Variants in SNTB1 observed in about 807,000 individuals in gnomAD.
SNTB1 encodes the protein syntrophin beta 1.
In SNTB1, 36 loss-of-function variants were observed where a neutral mutation model predicts 48.9. The ratio of observed to expected loss-of-function variants is 0.74; its 90% CI spans 0.56 to 0.97. SNTB1 has a LOEUF of 0.97. Ranked by LOEUF, SNTB1 falls within the 50% of genes least tolerant of loss-of-function variation. The pLI is 0.00. For missense variants in SNTB1, 786 were observed against 703.4 expected (o/e 1.12, Z -1.33); for synonymous variants, 299 against 294.6 (o/e 1.01, Z -0.15).
chr8:120,691,912 G>C (rs1382231720), intron 2 of SNTB1, among the ~76,000 whole-genome samples: 2 of 152,152 alleles, frequency 1.3e-5, no homozygotes, highest in East Asian at 1.9e-4. Flanking sequence ...GGACTTGTTT[G>C]ATTGGGTGGG....
At chr8:120,591,596 C>T (rs1398484029) in intron 3 of SNTB1, among the ~76,000 whole-genome samples, 1 of 152,210 alleles carries the variant, frequency 6.6e-6, no homozygotes, top group Non-Finnish European at 1.5e-5. Context: ...AGTAGATGTA[C>T]TGCAGCTGGT....
intron 1 of SNTB1, among the ~76,000 whole-genome samples, chr8:120,735,757 T>G (rs186708251): frequency 1.9e-4 from 29 of 152,154 alleles, no homozygotes; most frequent in Non-Finnish European, 4.0e-4. Context: ...TATTTTGTTT[T>G]GGTAGCCTTG....
chr8:120,692,760 T>G (rs1431384286), intron 2 of SNTB1, among the ~76,000 whole-genome samples: 1 of 152,166 alleles, frequency 6.6e-6, no homozygotes, highest in Non-Finnish European at 1.5e-5. Flanking sequence ...ACCCTCCAAG[T>G]ATACAGTTGA....
At position 120,740,247 on chromosome 8, in the gene SNTB1, A is replaced by C. The variant is rs568093596; in HGVS notation, c.572-46339T>G. ...AGCCATGAAGCTGTCACAGTCAAGA[A>C]CTTGGCACATGTTATATTTTATATA... On this transcript the variant is annotated intron_variant, in intron 1 of 6. Transcript: ENST00000517992. 2.9e-4 allele frequency among the ~76,000 whole-genome samples: 44 copies of C among 152,248 alleles called. No homozygotes were observed. In the South Asian group the frequency reaches 8.7e-3, roughly 30 times the overall value.
intron 4 of SNTB1, among the ~76,000 whole-genome samples, chr8:120,553,657 G>T (rs1375534975): frequency 6.6e-6 from 1 of 152,136 alleles, no homozygotes; most frequent in African/African-American, 2.4e-5. Context: ...AAAATGTAGA[G>T]CAATTTTATG....
chr8:120,678,302 G>T (rs1817872350), intron 2 of SNTB1, among the ~76,000 whole-genome samples: 1 of 152,046 alleles, frequency 6.6e-6, no homozygotes, highest in African/African-American at 2.4e-5. Flanking sequence ...AAACCAGCTT[G>T]GCATTGTGAC....
At chr8:120,721,341 A>G (rs1361785260) in intron 1 of SNTB1, among the ~76,000 whole-genome samples, 3 of 152,204 alleles carry the variant, frequency 2.0e-5, no homozygotes, top group Non-Finnish European at 4.4e-5. Context: ...ATTTTTGTGC[A>G]GACTTGAAAT....
chr8:120,624,353 A>G (rs1024880713), intron 3 of SNTB1, among the ~76,000 whole-genome samples: 1 of 152,224 alleles, frequency 6.6e-6, no homozygotes, highest in Non-Finnish European at 1.5e-5. Context: ...ATCCCATGAC[A>G]GAAGAAGCAA....
intron 2 of SNTB1, among the ~76,000 whole-genome samples, chr8:120,634,576 G>A (rs1169252543): frequency 6.6e-6 from 1 of 152,088 alleles, no homozygotes; most frequent in Non-Finnish European, 1.5e-5. Context: ...ATGTCTTATG[G>A]GGGGCACTCA....
At chr8:120,721,751 A>G (rs1818662668) in intron 1 of SNTB1, among the ~76,000 whole-genome samples, 1 of 152,132 alleles carries the variant, frequency 6.6e-6, no homozygotes, top group South Asian at 2.1e-4. Flanking sequence ...TTATTTATTT[A>G]TTATACTTTA....
At chr8:120,550,020 G>C (rs75240021) in intron 4 of SNTB1, among the ~76,000 whole-genome samples, 8,398 of 152,172 alleles carry the variant, frequency 0.055, 330 homozygotes, top group Admixed American at 0.085. Flanking sequence ...ATTGCACAGA[G>C]GAAATACAAA....
intron 1 of SNTB1, among the ~76,000 whole-genome samples, chr8:120,777,415 G>A (rs993624884): frequency 2.6e-5 from 4 of 152,154 alleles, no homozygotes. Flanking sequence ...GCTATAGAGA[G>A]GAGAGCCACC....
intron 3 of SNTB1, among the ~76,000 whole-genome samples, chr8:120,630,825 C>A (rs760517007): frequency 1.3e-5 from 2 of 152,150 alleles, no homozygotes; most frequent in African/African-American, 2.4e-5. Flanking sequence ...AATCTCAGGA[C>A]TTGCATTGAA....
intron 1 of SNTB1, among the ~76,000 whole-genome samples, chr8:120,744,121 A>ATTTTTTTTTTTTTTTTTTTTTTTTTTTTT (rs35604534): frequency 3.7e-5 from 5 of 136,158 alleles, no homozygotes; most frequent in Admixed American, 8.0e-5. Flanking sequence ...CCCTGTCTCA[A>ATTTTTTTTTTTTTTTTTTTTTTTTTTTTT]TTTTTTTTTT....
chr8:120,811,311 T>G lies in SNTB1; in HGVS notation c.533A>C (p.Gln178Pro). The change falls in exon 1 of 7, where the codon CAG (glutamine) becomes CCG (proline). Residue 178 changes from glutamine to proline, a missense_variant. Gln to Pro is a moderately conservative substitution (Grantham distance 76). Coordinates refer to ENST00000517992, the MANE Select transcript of SNTB1 (RefSeq NM_021021.4). ...TTCCTTGCCCGCGCGCTTCAACGCC[T>G]GCACCGCCTCGTCGTGGGTGGCGTC... ...LRDATHDEAVQALKRAGKEVL... is the reference protein window; with the variant it reads ...LRDATHDEAVPALKRAGKEVL... The G allele has an allele frequency of 1.9e-6, 3 of 1,609,332 alleles. No homozygotes were observed. Among genetic ancestry groups the G allele is most frequent in the Non-Finnish European group, 2.5e-6 (3 of 1,179,542 alleles).
chr8:120,544,727 A>G (rs1040882878), intron 5 of SNTB1, among the ~76,000 whole-genome samples: 6 of 151,312 alleles, frequency 4.0e-5, no homozygotes, highest in Non-Finnish European at 4.4e-5. Context: ...GTTATTACAC[A>G]TGTAACCTTA....
At chr8:120,682,122 C>T (rs1044723277) in intron 2 of SNTB1, among the ~76,000 whole-genome samples, 1 of 151,052 alleles carries the variant, frequency 6.6e-6, no homozygotes, top group Non-Finnish European at 1.5e-5. Context: ...GTAATGTAAG[C>T]AATAGAGAAA....
At chr8:120,676,820 C>A (rs916706157) in intron 2 of SNTB1, among the ~76,000 whole-genome samples, 2 of 151,958 alleles carry the variant, frequency 1.3e-5, no homozygotes, top group African/African-American at 4.8e-5. Context: ...TTTTGGGAGG[C>A]TGAGGTAGGA....
intron 1 of SNTB1, among the ~76,000 whole-genome samples, chr8:120,772,402 C>A (rs1819653162): frequency 6.6e-6 from 1 of 151,848 alleles, no homozygotes; most frequent in Admixed American, 6.6e-5. Context: ...CGCACCACCA[C>A]ACCCAGCTAA....
Sources: allele counts gnomAD v4.1 joint callset (sites outside exome capture counted in the v4.1 genomes callset), GRCh38; gene constraint gnomAD v4.1.1; transcripts MANE v1.5; gene names NCBI Gene and HGNC (gene_info 2026-07-23, HGNC 2026-07-21).